PTPRM: variants seen among roughly 807,000 people sequenced by gnomAD.
The protein encoded by PTPRM is protein tyrosine phosphatase receptor type M, also known as receptor-type tyrosine-protein phosphatase mu.
In PTPRM, 47 loss-of-function variants were observed where a neutral mutation model predicts 186.7. That is an observed-to-expected ratio of 0.25 (90% CI 0.20 to 0.32). The LOEUF (loss-of-function observed/expected upper bound fraction) is 0.32, where lower values mean the gene tolerates loss of function less well. Ranked by LOEUF, PTPRM falls within the 10% of genes least tolerant of loss-of-function variation. The pLI is 1.00. For missense variants in PTPRM, 1,494 were observed against 1,865.0 expected (o/e 0.80, Z 3.66); for synonymous variants, 668 against 674.9 (o/e 0.99, Z 0.16).
intron 19 of PTPRM, among the ~76,000 whole-genome samples, chr18:8,292,221 A>G (rs2095050408): frequency 1.3e-5 from 2 of 152,238 alleles, no homozygotes; most frequent in African/African-American, 4.8e-5. Flanking sequence ...CATAAGAGGG[A>G]GTCTAAAGTA....
At chr18:8,022,706 C>T (rs1469902392) in intron 7 of PTPRM, among the ~76,000 whole-genome samples, 2 of 152,232 alleles carry the variant, frequency 1.3e-5, no homozygotes. Context: ...CTCCAAGGTG[C>T]ACATGTTCCC....
chr18:8,296,954 G>A (rs748356220), intron 20 of PTPRM, among the ~76,000 whole-genome samples: 55 of 152,184 alleles, frequency 3.6e-4, no homozygotes, highest in Non-Finnish European at 6.6e-4. Context: ...ACACTCATTA[G>A]CAAAAGAACT....
intron 7 of PTPRM, among the ~76,000 whole-genome samples, chr18:8,038,413 A>T (rs182885734): frequency 2.9e-5 from 4 of 136,086 alleles, no homozygotes; most frequent in Non-Finnish European, 6.1e-5. Flanking sequence ...GTTATTTGAG[A>T]CAGAGTCTCA....
At chr18:7,615,760 T>A (rs1207296114) in intron 1 of PTPRM, among the ~76,000 whole-genome samples, 1 of 152,174 alleles carries the variant, frequency 6.6e-6, no homozygotes, top group African/African-American at 2.4e-5. Context: ...GTGCCCTTTA[T>A]TCCTATTATT....
intron 23 of PTPRM, chr18:8,361,125 T>C (rs1435385779): frequency 6.6e-6 from 1 of 152,224 alleles, no homozygotes; most frequent in Admixed American, 6.5e-5. Context: ...GAGACTCAGA[T>C]TGACCCGTGT....
chr18:8,009,553 C>T (rs2084392737), intron 7 of PTPRM, among the ~76,000 whole-genome samples: 1 of 151,976 alleles, frequency 6.6e-6, no homozygotes, highest in South Asian at 2.1e-4. Context: ...ACTAAAAATA[C>T]AAAAATTAGC....
At chr18:8,317,468 A>C (rs1410906970) in intron 21 of PTPRM, among the ~76,000 whole-genome samples, 1 of 152,116 alleles carries the variant, frequency 6.6e-6, no homozygotes, top group Non-Finnish European at 1.5e-5. Flanking sequence ...TCCCAGGAAA[A>C]GGTCTAGGCT....
chr18:7,767,700 TA>T (rs1419555372), intron 1 of PTPRM, among the ~76,000 whole-genome samples: 3 of 152,192 alleles, frequency 2.0e-5, no homozygotes, highest in Non-Finnish European at 2.9e-5. Context: ...CCTTGCTGTC[TA>T]ATAATTGCCA....
At chr18:7,604,907 G>T (rs906168632) in intron 1 of PTPRM, among the ~76,000 whole-genome samples, 3 of 152,204 alleles carry the variant, frequency 2.0e-5, no homozygotes, top group Non-Finnish European at 4.4e-5. Context: ...GTCTGTGGTA[G>T]TACACAGTAA....
intron 2 of PTPRM, among the ~76,000 whole-genome samples, chr18:7,820,108 G>A (rs1254576278): frequency 6.6e-6 from 1 of 151,814 alleles, no homozygotes; most frequent in African/African-American, 2.4e-5. Flanking sequence ...AGACATGGAG[G>A]GGTCTCTTAC....
intron 14 of PTPRM, among the ~76,000 whole-genome samples, chr18:8,226,714 A>G (rs1052679502): frequency 6.6e-6 from 1 of 152,252 alleles, no homozygotes; most frequent in Non-Finnish European, 1.5e-5. Flanking sequence ...ATAAATTCCT[A>G]CAAACCTAGT....
intron 1 of PTPRM, among the ~76,000 whole-genome samples, chr18:7,646,780 G>A (rs566669704): frequency 3.3e-5 from 5 of 152,194 alleles, no homozygotes; most frequent in East Asian, 3.9e-4. Flanking sequence ...GGTACTGGCC[G>A]CTCCTTCATA....
chr18:7,627,552 T>C (rs1393916292), intron 1 of PTPRM, among the ~76,000 whole-genome samples: 1 of 152,066 alleles, frequency 6.6e-6, no homozygotes. Context: ...GGAGGGAGAT[T>C]TGGGGACACA....
At position 7,888,374 on chromosome 18, in the gene PTPRM, T is replaced by C; in HGVS notation, c.465T>C (p.Tyr155=). The C allele has an allele frequency of 6.2e-7, 1 of 1,605,528 alleles. No individual in the cohort carries two copies. Among genetic ancestry groups the C allele is most frequent in the Non-Finnish European group, 8.5e-7 (1 of 1,175,826 alleles). ...TTAGTACTTTCTGGCCTAACTTTTATCAGGTATGTGCTTTCTTTTTATTAC... is the reference window on the plus strand; with the variant it reads ...TTAGTACTTTCTGGCCTAACTTTTACCAGGTATGTGCTTTCTTTTTATTAC... ...LAISTFWPNF[Y]QVIFEVITSG... is the part of the protein sequence containing the mutation. Residue 155 remains tyrosine, a synonymous_variant, in exon 3 of 33, where the codon TAT becomes TAC. Coordinates refer to ENST00000580170, the MANE Select transcript of PTPRM (RefSeq NM_001105244.2).
chr18:7,577,180 A>G (rs2036709809), intron 1 of PTPRM, among the ~76,000 whole-genome samples: 1 of 152,214 alleles, frequency 6.6e-6, no homozygotes, highest in Non-Finnish European at 1.5e-5. Context: ...GCCATTAGCA[A>G]TTTATAGGTG....
chr18:8,392,063 C>G (rs945300656), intron 31 of PTPRM, among the ~76,000 whole-genome samples: 1 of 151,940 alleles, frequency 6.6e-6, no homozygotes, highest in East Asian at 1.9e-4. Flanking sequence ...CAAATAAATT[C>G]TCAAGAAAAA....
chr18:7,844,920 A>G (rs2046517991), intron 2 of PTPRM, among the ~76,000 whole-genome samples: 1 of 152,164 alleles, frequency 6.6e-6, no homozygotes, highest in Non-Finnish European at 1.5e-5. Flanking sequence ...TTGTTAGACA[A>G]AATTCACATT....
At chr18:8,090,391 G>A (rs2090650364) in intron 11 of PTPRM, among the ~76,000 whole-genome samples, 1 of 152,160 alleles carries the variant, frequency 6.6e-6, no homozygotes, top group Non-Finnish European at 1.5e-5. Context: ...CATGTGAATA[G>A]TTAGAGTTCA....
At chr18:8,209,185 T>G (rs898971606) in intron 14 of PTPRM, among the ~76,000 whole-genome samples, 7 of 152,152 alleles carry the variant, frequency 4.6e-5, no homozygotes, top group African/African-American at 1.4e-4. Flanking sequence ...CAGTTCCTTT[T>G]GGAGGACTAA....
Sources: gnomAD v4.1 joint callset for allele counts (sites outside exome capture counted in the v4.1 genomes callset) on GRCh38, gnomAD v4.1.1 for gene constraint, MANE v1.5 for transcripts, NCBI Gene and HGNC (gene_info 2026-07-23, HGNC 2026-07-21) for gene names.